The following GALNTL6 variants were observed in gnomAD, a reference collection of about 807,000 sequenced individuals.
GALNTL6 encodes polypeptide N-acetylgalactosaminyltransferase-like 6.
A neutral mutation model predicts 73.7 loss-of-function variants in GALNTL6; 46 were observed. The observed-to-expected ratio is 0.62, with a 90% confidence interval of 0.49 to 0.80. GALNTL6 has a LOEUF of 0.80. Among genes scored for constraint, GALNTL6 ranks in the 30% least tolerant of loss-of-function variants. GALNTL6 has a pLI of 0.00. For synonymous variants in GALNTL6, 259 were observed against 263.7 expected (o/e 0.98, Z 0.17); for missense variants, 604 against 755.0 (o/e 0.80, Z 2.34).
At chr4:172,908,661 A>G (rs17253533) in intron 8 of GALNTL6, among the ~76,000 whole-genome samples, 17,144 of 151,022 alleles carry the variant, frequency 0.11, 1,325 homozygotes, top group Non-Finnish European at 0.17. Context: ...TATGGAAAAC[A>G]ATAGCCTTTA....
chr4:172,883,069 T>C (rs764114783), intron 8 of GALNTL6, among the ~76,000 whole-genome samples, 162 bp downstream of exon 8: 11 of 152,226 alleles, frequency 7.2e-5, no homozygotes, highest in Non-Finnish European at 8.8e-5. Flanking sequence ...TTTTGGTTTT[T>C]GTTTTTATTT....
intron 5 of GALNTL6, among the ~76,000 whole-genome samples, chr4:172,525,012 A>AT: frequency 6.6e-6 from 1 of 152,260 alleles, no homozygotes; most frequent in East Asian, 1.9e-4. Context: ...TGGATATATA[A>AT]TTTTTTGGAA....
chr4:172,985,823 T>G (rs904611092), intron 10 of GALNTL6, among the ~76,000 whole-genome samples: 4 of 152,154 alleles, frequency 2.6e-5, no homozygotes, highest in Non-Finnish European at 5.9e-5. Context: ...ACCTCAAACA[T>G]CAATCTTAGG....
intron 5 of GALNTL6, among the ~76,000 whole-genome samples, chr4:172,782,953 T>C (rs1032833267): frequency 2.0e-5 from 3 of 152,054 alleles, no homozygotes; most frequent in Non-Finnish European, 4.4e-5. Context: ...GTCACATGTA[T>C]TTCCCAGGAC....
chr4:172,519,011 A>G (rs975373550), intron 5 of GALNTL6, among the ~76,000 whole-genome samples: 2 of 151,722 alleles, frequency 1.3e-5, no homozygotes, highest in Non-Finnish European at 3.0e-5. Flanking sequence ...CTCAGTGTTG[A>G]CTATCATGAA....
At chr4:172,395,295 T>C (rs1195668163) in intron 5 of GALNTL6, among the ~76,000 whole-genome samples, 1 of 152,206 alleles carries the variant, frequency 6.6e-6, no homozygotes, top group African/African-American at 2.4e-5. Context: ...TACTTTTGTA[T>C]TTATGGACAT....
At chr4:172,361,179 T>G (rs913785878) in intron 5 of GALNTL6, among the ~76,000 whole-genome samples, 1 of 152,112 alleles carries the variant, frequency 6.6e-6, no homozygotes, top group Non-Finnish European at 1.5e-5. Context: ...TTCAGAAAGG[T>G]AATCTATTTT....
chr4:172,561,014 G>A (rs2110924748), intron 5 of GALNTL6, among the ~76,000 whole-genome samples: 2 of 152,106 alleles, frequency 1.3e-5, no homozygotes, highest in South Asian at 4.2e-4. Context: ...AGCACTTTGG[G>A]AGGCCAAGGC....
At chr4:172,444,299 G>T (rs930076258) in intron 5 of GALNTL6, among the ~76,000 whole-genome samples, 4 of 152,190 alleles carry the variant, frequency 2.6e-5, no homozygotes, top group Non-Finnish European at 5.9e-5. Flanking sequence ...AACACTGTTT[G>T]TTGGCCCCAA....
At chr4:172,564,566 T>C (rs1560810282) in intron 5 of GALNTL6, among the ~76,000 whole-genome samples, 2 of 152,234 alleles carry the variant, frequency 1.3e-5, no homozygotes, top group African/African-American at 4.8e-5. Flanking sequence ...GAGTGGAATG[T>C]ATACTGTAAT....
At chr4:172,756,579 A>G (rs1000832585) in intron 5 of GALNTL6, among the ~76,000 whole-genome samples, 4 of 152,034 alleles carry the variant, frequency 2.6e-5, no homozygotes, top group African/African-American at 9.7e-5. Context: ...CAGAAGGCCG[A>G]AGTTGCAGTG....
At chr4:172,160,944 A>G (rs571736791) in intron 2 of GALNTL6, among the ~76,000 whole-genome samples, 22 of 151,350 alleles carry the variant, frequency 1.5e-4, no homozygotes, top group African/African-American at 4.6e-4. Context: ...ATACACATGT[A>G]TATATATAAT....
rs5864170 is a variant in GALNTL6 at position 172,809,912 on chromosome 4, TACACACACAC to T, written c.739+396_739+405del. On this transcript the variant is annotated intron_variant, in intron 6 of 12. Coordinates refer to ENST00000506823, the MANE Select transcript of GALNTL6 (RefSeq NM_001034845.3). This position sits in a 1 kb window ranked among gnomAD's most constrained non-coding sequence, Gnocchi z 4.4. Reference sequence around the variant, plus strand: ...TCCTGTAGCTACAGCAAGATTAAAATACACACACACACACACACACACACACACACACACA... The same window carrying T: ...TCCTGTAGCTACAGCAAGATTAAAATACACACACACACACACACACACACA... 4.1e-3 allele frequency among the ~76,000 whole-genome samples: 584 copies of T among 141,224 alleles called. 4 individuals carry two copies. The highest frequency in any genetic ancestry group is 0.013 in the African/African-American group (505 of 38,452). The allele number at this position is 141,224 out of a possible 152,430, so 92.6% of individuals were successfully genotyped here. A position where few individuals can be genotyped will look rare whatever the true frequency, so the allele number is the denominator to read the frequency against.
chr4:171,960,824 T>C (rs1739200659), intron 2 of GALNTL6, among the ~76,000 whole-genome samples: 1 of 151,770 alleles, frequency 6.6e-6, no homozygotes, highest in Non-Finnish European at 1.5e-5. Flanking sequence ...TGGGAGCACC[T>C]AAGGTCTAGA....
chr4:172,723,884 C>G (rs1391564433), intron 5 of GALNTL6, among the ~76,000 whole-genome samples: 1 of 152,024 alleles, frequency 6.6e-6, no homozygotes, highest in Non-Finnish European at 1.5e-5. Context: ...ATTTTTGAGC[C>G]ACAAAAGTAC....
At chr4:172,974,813 C>T (rs1474769931) in intron 10 of GALNTL6, among the ~76,000 whole-genome samples, 1 of 152,234 alleles carries the variant, frequency 6.6e-6, no homozygotes, top group Admixed American at 6.5e-5. Context: ...GCAGGGCAGG[C>T]AGCTCCAGGC....
intron 3 of GALNTL6, among the ~76,000 whole-genome samples, chr4:172,271,549 C>G (rs191201472): frequency 6.6e-6 from 1 of 152,088 alleles, no homozygotes; most frequent in East Asian, 1.9e-4. Flanking sequence ...TATATATGCA[C>G]AGATATGTGC....
chr4:172,421,443 T>G (rs1731049828), intron 5 of GALNTL6, among the ~76,000 whole-genome samples: 1 of 151,998 alleles, frequency 6.6e-6, no homozygotes, highest in African/African-American at 2.4e-5. Flanking sequence ...AATAAAATTG[T>G]ATTGTTTGTA....
At chr4:172,131,204 A>G (rs1235569311) in intron 2 of GALNTL6, among the ~76,000 whole-genome samples, 2 of 151,740 alleles carry the variant, frequency 1.3e-5, no homozygotes, top group African/African-American at 4.8e-5. Flanking sequence ...CTTTGTGTAA[A>G]TAATTATAAG....
Sources: gnomAD v4.1 joint callset for allele counts (sites outside exome capture counted in the v4.1 genomes callset) on GRCh38, gnomAD v4.1.1 for gene constraint, Gnocchi (gnomAD v3.1) non-coding constraint, MANE v1.5 for transcripts, NCBI Gene and HGNC (gene_info 2026-07-23, HGNC 2026-07-21) for gene names.